CNTNAP2: variants seen among roughly 807,000 people sequenced by gnomAD.
CNTNAP2 encodes contactin-associated protein-like 2.
In CNTNAP2, 98 loss-of-function variants were observed where a neutral mutation model predicts 155.2. The ratio of observed to expected loss-of-function variants is 0.63; its 90% CI spans 0.54 to 0.75. The LOEUF is 0.75. Ranked by LOEUF, CNTNAP2 falls within the 30% of genes least tolerant of loss-of-function variation. The pLI, the probability that CNTNAP2 is intolerant of heterozygous loss-of-function variation, is 0.00. For synonymous variants in CNTNAP2, 651 were observed against 631.2 expected (o/e 1.03, Z -0.47); for missense variants, 1,727 against 1,688.1 (o/e 1.02, Z -0.40).
chr7:146,677,967 C>T (rs535572865), intron 1 of CNTNAP2, among the ~76,000 whole-genome samples: 24 of 152,148 alleles, frequency 1.6e-4, no homozygotes, highest in Non-Finnish European at 2.9e-4. Context: ...TCGCATAGTT[C>T]ATGCTATTCT....
chr7:147,971,448 C>A (rs576448201), intron 14 of CNTNAP2, among the ~76,000 whole-genome samples: 3 of 151,598 alleles, frequency 2.0e-5, no homozygotes, highest in Non-Finnish European at 4.4e-5. Context: ...ATACGATTCC[C>A]GGTTACCATG....
chr7:146,794,718 G>A (rs1028010238), intron 2 of CNTNAP2, among the ~76,000 whole-genome samples: 2 of 152,060 alleles, frequency 1.3e-5, no homozygotes, highest in African/African-American at 4.8e-5. Flanking sequence ...TGATACGAAT[G>A]CTCCAAAGCT....
intron 1 of CNTNAP2, among the ~76,000 whole-genome samples, chr7:146,270,479 T>C (rs545827699): frequency 6.6e-6 from 1 of 152,188 alleles, no homozygotes; most frequent in Non-Finnish European, 1.5e-5. Flanking sequence ...ATTTCATAAT[T>C]TTTCTGATTA....
Position 147,598,465 on chromosome 7 carries a change from G to A in CNTNAP2, c.1897+36208G>A, listed in dbSNP as rs182286409. Among the ~76,000 whole-genome samples the A allele has an allele frequency of 5.4e-3, 822 of 152,174 alleles. 7 individuals are homozygous for A. Among genetic ancestry groups the A allele is most frequent in the Middle Eastern group, 6.8e-3 (2 of 294 alleles). ...TTCTGTTCCTGTGTTAGTTTGCTGA[G>A]AATGATGGTTTCCAGCTTCATCCAT... On this transcript the variant is annotated intron_variant, in intron 12 of 23. Transcript: ENST00000361727.
chr7:147,397,965 C>T (rs1563189285), intron 10 of CNTNAP2, among the ~76,000 whole-genome samples: 2 of 151,580 alleles, frequency 1.3e-5, no homozygotes, highest in African/African-American at 2.4e-5. Flanking sequence ...TTTTAGCTTA[C>T]ACTTTTTTTT....
At chr7:146,878,935 G>A (rs751493107) in intron 3 of CNTNAP2, among the ~76,000 whole-genome samples, 2 of 152,066 alleles carry the variant, frequency 1.3e-5, no homozygotes, top group Non-Finnish European at 2.9e-5. Context: ...CTTACCTTTT[G>A]CGAACTTTAT....
intron 3 of CNTNAP2, among the ~76,000 whole-genome samples, chr7:146,926,822 T>C (rs773803123): frequency 2.0e-5 from 3 of 152,076 alleles, no homozygotes; most frequent in African/African-American, 4.8e-5. Context: ...TCCAAAAATA[T>C]GGAAATCACT....
At chr7:148,255,429 C>T (rs974400532) in intron 20 of CNTNAP2, among the ~76,000 whole-genome samples, 3 of 152,136 alleles carry the variant, frequency 2.0e-5, no homozygotes, top group East Asian at 3.9e-4. Flanking sequence ...ATAGAAAATC[C>T]GTTTGCTTGG....
At chr7:147,120,809 A>G (rs532068568) in intron 5 of CNTNAP2, among the ~76,000 whole-genome samples, 170 bp from the exon 6 acceptor site, 23 of 152,128 alleles carry the variant, frequency 1.5e-4, no homozygotes, top group Admixed American at 1.4e-3. Context: ...CAGTCCCCAG[A>G]ACATAAAGTA....
chr7:147,750,348 T>C (rs1334498419), intron 13 of CNTNAP2, among the ~76,000 whole-genome samples: 2 of 152,258 alleles, frequency 1.3e-5, no homozygotes, highest in African/African-American at 4.8e-5. Context: ...TATGTCTGCA[T>C]AGAGATCCAG....
chr7:147,474,464 T>A (rs921900044), intron 10 of CNTNAP2, among the ~76,000 whole-genome samples: 1 of 151,826 alleles, frequency 6.6e-6, no homozygotes, highest in Non-Finnish European at 1.5e-5. Flanking sequence ...GCATCTGTAA[T>A]CCCAGCTACT....
intron 1 of CNTNAP2, among the ~76,000 whole-genome samples, chr7:146,384,256 C>T (rs1795430199): frequency 1.3e-5 from 2 of 152,148 alleles, no homozygotes; most frequent in Admixed American, 6.5e-5. Flanking sequence ...CCATTCTAAA[C>T]CCAATCATAT....
At chr7:146,774,829 G>A (rs775357200) in intron 2 of CNTNAP2, among the ~76,000 whole-genome samples, 1 of 152,014 alleles carries the variant, frequency 6.6e-6, no homozygotes, top group Non-Finnish European at 1.5e-5. Flanking sequence ...TTTTTCCTCC[G>A]GTACCCAGAA....
chr7:146,123,391 A>G (rs1003601079), intron 1 of CNTNAP2, among the ~76,000 whole-genome samples: 5 of 152,236 alleles, frequency 3.3e-5, no homozygotes, highest in African/African-American at 7.2e-5. Flanking sequence ...TACATTCACA[A>G]CCTTCTTCAT....
intron 1 of CNTNAP2, among the ~76,000 whole-genome samples, chr7:146,138,624 T>G (rs1170999240): frequency 6.6e-6 from 1 of 152,124 alleles, no homozygotes; most frequent in African/African-American, 2.4e-5. Flanking sequence ...ATGTTCAGTT[T>G]ATAACATGTT....
At chr7:146,909,399 C>A (rs1449440531) in intron 3 of CNTNAP2, among the ~76,000 whole-genome samples, 1 of 112,540 alleles carries the variant, frequency 8.9e-6, no homozygotes, top group Non-Finnish European at 1.8e-5. Flanking sequence ...ATGCAAAAAT[C>A]CTCAATAAAA....
chr7:148,078,672 G>C (rs1460690230), intron 15 of CNTNAP2, among the ~76,000 whole-genome samples: 1 of 151,946 alleles, frequency 6.6e-6, no homozygotes, highest in African/African-American at 2.4e-5. Flanking sequence ...GTAGAGACAG[G>C]GTTTCACCAT....
At chr7:146,259,700 G>A (rs1431046305) in intron 1 of CNTNAP2, among the ~76,000 whole-genome samples, 1 of 152,186 alleles carries the variant, frequency 6.6e-6, no homozygotes, top group Non-Finnish European at 1.5e-5. Context: ...TCAGTCATAT[G>A]CATTCACAAA....
At chr7:146,229,606 T>A (rs912280839) in intron 1 of CNTNAP2, among the ~76,000 whole-genome samples, 2 of 152,064 alleles carry the variant, frequency 1.3e-5, no homozygotes, top group African/African-American at 4.8e-5. Flanking sequence ...ATTTTTTTTT[T>A]ATATCATCCC....
Sources: gnomAD v4.1 joint callset for allele counts (sites outside exome capture counted in the v4.1 genomes callset) on GRCh38, gnomAD v4.1.1 for gene constraint, MANE v1.5 for transcripts, NCBI Gene and HGNC (gene_info 2026-07-23, HGNC 2026-07-21) for gene names.